Variants in SPATA20 observed in about 807,000 individuals in gnomAD.
The protein encoded by SPATA20 is spermatogenesis associated 20, also known as spermatogenesis-associated protein 20.
Under a neutral mutation model 98.9 loss-of-function variants are expected in SPATA20, and 74 were observed. That is an observed-to-expected ratio of 0.75 (90% CI 0.62 to 0.91). The LOEUF (loss-of-function observed/expected upper bound fraction) is 0.91, where lower values mean the gene tolerates loss of function less well. Ranked by LOEUF, SPATA20 falls within the 40% of genes least tolerant of loss-of-function variation. SPATA20 has a pLI of 0.00. For missense variants in SPATA20, 1,016 were observed against 1,069.8 expected (o/e 0.95, Z 0.70); for synonymous variants, 430 against 440.5 (o/e 0.98, Z 0.30).
In SPATA20 at chr17:50,551,988, T is replaced by A. The variant is rs779817465; in HGVS notation, c.1765T>A (p.Phe589Ile). The change falls in exon 14 of 17, where the codon TTC becomes ATC. Residue 589 changes from phenylalanine (F) to isoleucine (I), a missense_variant. Transcript: ENST00000006658. Reference protein sequence around the residue: ...VEHSNPPCWGFLEDYAFVVRG... With the variant: ...VEHSNPPCWGILEDYAFVVRG... ...CCCCAGCAACCCACCCTGCTGGGGCTTCCTGGAGGACTACGCCTTCGTGGT... is the reference window on the plus strand; with the variant it reads ...CCCCAGCAACCCACCCTGCTGGGGCATCCTGGAGGACTACGCCTTCGTGGT... The A allele has an allele frequency of 5.0e-6, 8 of 1,607,028 alleles. No homozygotes were observed. Among genetic ancestry groups the A allele is most frequent in the Non-Finnish European group, 6.8e-6 (8 of 1,176,696 alleles).
chr17:50,553,890 A>C (rs578080379), intron 14 of SPATA20, among the ~76,000 whole-genome samples: 2 of 152,252 alleles, frequency 1.3e-5, no homozygotes, highest in Non-Finnish European at 2.9e-5. Context: ...TCTTCTGGCC[A>C]CAGCCCTGGC....
At chr17:50,547,370 G>T in intron 1 of SPATA20, 85 bp downstream of exon 1, 1 of 1,205,780 alleles carries the variant, frequency 8.3e-7, no homozygotes, top group African/African-American at 1.5e-5. Flanking sequence ...CCGGTCCCCA[G>T]TGCCAGTCTG....
intron 6 of SPATA20, 34 bp from the exon 7 acceptor site, chr17:50,549,252 A>G: frequency 6.2e-7 from 1 of 1,602,688 alleles, no homozygotes. Context: ...CCCTCCCCCT[A>G]GCTGACCTCC....
chr17:50,552,591 T>C (rs1161408468), intron 14 of SPATA20, among the ~76,000 whole-genome samples: 1 of 140,278 alleles, frequency 7.1e-6, no homozygotes, highest in African/African-American at 2.6e-5. Flanking sequence ...TGAGACAGGG[T>C]CTCACTGTCA....
Position 50,547,258 on chromosome 17 carries a change from C to T in SPATA20, c.50C>T (p.Ala17Val), listed in dbSNP as rs1277022034. The change falls in exon 1 of 17, where the codon GCC becomes GTC. Residue 17 changes from alanine to valine, a missense_variant. Ala to Val is a moderately conservative substitution (Grantham distance 64). Coordinates refer to ENST00000006658, the MANE Select transcript of SPATA20 (RefSeq NM_022827.4). ...WLGRVLLLPR[A>V]GAGLAASRRC... ...GGCCGCGTCCTTCTGCTGCCCCGCGCCGGTGCAGGCCTCGCCGCGAGCCGC... is the reference window on the plus strand; with the variant it reads ...GGCCGCGTCCTTCTGCTGCCCCGCGTCGGTGCAGGCCTCGCCGCGAGCCGC... 1.5e-6 allele frequency: 2 copies of T among 1,375,714 alleles called. No homozygotes were observed. The highest frequency in any genetic ancestry group is 9.3e-7 in the Non-Finnish European group (1 of 1,073,288). The allele number at this position is 1,375,714 out of a possible 1,614,324, so 85.2% of individuals were successfully genotyped here. A position where few individuals can be genotyped will look rare whatever the true frequency, so the allele number is the denominator to read the frequency against.
chr17:50,547,685 C>G, intron 1 of SPATA20, 35 bp from the exon 2 acceptor site: 2 of 780,948 alleles, frequency 2.6e-6, no homozygotes, highest in Non-Finnish European at 4.8e-6. Context: ...AGTCCCACTT[C>G]CAGGCTGAAC....
Position 50,549,133 on chromosome 17 carries a change from G to A in SPATA20, c.607G>A (p.Asp203Asn), listed in dbSNP as rs2034965842. The change falls in exon 6 of 17, where the codon GAT becomes AAT. Residue 203 changes from aspartate (D) to asparagine (N), a missense_variant. By Grantham distance (23) the Asp-to-Asn change is conservative. Transcript: ENST00000006658. Reference protein sequence around the residue: ...FVGGTYFPPEDGLTRVGFRTV... With the variant: ...FVGGTYFPPENGLTRVGFRTV... ...CGGGGGCACCTATTTCCCTCCTGAG[G>A]ATGGCTTGACCCGAGTCGGCTTCCG... 1.2e-6 allele frequency: 2 copies of A among 1,611,874 alleles called. No homozygotes were observed. The highest frequency in any genetic ancestry group is 1.7e-6 in the Non-Finnish European group (2 of 1,178,964).
At chr17:50,554,479 C>T in intron 15 of SPATA20, 29 bp downstream of exon 15, 1 of 1,602,570 alleles carries the variant, frequency 6.2e-7, no homozygotes, top group Non-Finnish European at 8.5e-7. Context: ...TGGGCTGGGA[C>T]CTCGGGTAGG....
chr17:50,548,565 G>A lies in SPATA20; in HGVS notation c.308G>A (p.Gly103Glu), dbSNP rs1162602114. 9 of 1,613,728 alleles carry A rather than the reference G, an allele frequency of 5.6e-6. No individual in the cohort carries two copies. The highest frequency in any genetic ancestry group is 1.6e-4 in the Middle Eastern group (1 of 6,062). ...CCTGCTGGGTCTAGGTACCCCTGGGGACAGGAAGCCTTCGACAAGGCCAGG... is the reference window on the plus strand; with the variant it reads ...CCTGCTGGGTCTAGGTACCCCTGGGAACAGGAAGCCTTCGACAAGGCCAGG... ...AYNPVDWYPW[G>E]QEAFDKARKE... The change falls in exon 4 of 17, where the codon GGA becomes GAA. Residue 103 changes from glycine to glutamate, a missense_variant. Coordinates refer to ENST00000006658, the MANE Select transcript of SPATA20 (RefSeq NM_022827.4).
intron 10 of SPATA20, 44 bp from the exon 11 acceptor site, chr17:50,550,664 A>C (rs1473797163): frequency 6.2e-7 from 1 of 1,612,276 alleles, no homozygotes. Flanking sequence ...TGGGGCCTCC[A>C]CTGCCCTGTG....
At position 50,550,052 on chromosome 17, in the gene SPATA20, G is replaced by A; in HGVS notation, c.930G>A (p.Gln310=). 1 of 1,605,680 alleles carries A rather than the reference G, an allele frequency of 6.2e-7. No individual in the cohort carries two copies. Among genetic ancestry groups the A allele is most frequent in the Non-Finnish European group, 8.5e-7 (1 of 1,173,910 alleles). ...HRLTQDGSRA[Q]QMALHTLKMM... ...TGACTCAGGATGGCTCTCGGGCCCA[G>A]CAGATGGCCTTGCATACCCTGAAAA... Residue 310 remains glutamine, a synonymous_variant, in exon 8 of 17, where the codon CAG becomes CAA. Coordinates refer to ENST00000006658, the MANE Select transcript of SPATA20 (RefSeq NM_022827.4).
At chr17:50,549,872 AC>A in intron 7 of SPATA20, 112 bp from the exon 8 acceptor site, 1 of 1,207,742 alleles carries the variant, frequency 8.3e-7, no homozygotes, top group Non-Finnish European at 1.2e-6. Flanking sequence ...CTGTCCAGAG[AC>A]TGCCTGTTGA....
rs1023903453 is a variant in SPATA20, at chr17:50,549,415, T to C, written c.790T>C (p.Phe264Leu). Residue 264 changes from phenylalanine (F) to leucine (L), a missense_variant, in exon 7 of 17, where the codon TTC becomes CTC. Physicochemically the swap from Phe to Leu is conservative, Grantham distance 22. Coordinates refer to ENST00000006658, the MANE Select transcript of SPATA20 (RefSeq NM_022827.4). ...PSAATVNNRC[F>L]QQLDEGYDEE... ...TGCCGCCACCGTGAACAATCGCTGC[T>C]TCCAGCAGCTGGATGAGGGCTATGA... 4.3e-6 allele frequency: 7 copies of C among 1,612,638 alleles called. No homozygotes were observed. The African/African-American group carries it at 8.0e-5, about 18-fold the overall frequency.
At position 50,550,807 on chromosome 17, in the gene SPATA20, C is replaced by A; in HGVS notation, c.1273C>A (p.Gln425Lys). 1 of 1,613,068 alleles carries A rather than the reference C, an allele frequency of 6.2e-7. No homozygotes were observed. Among genetic ancestry groups the A allele is most frequent in the South Asian group, 1.1e-5 (1 of 91,090 alleles). The change falls in exon 11 of 17, where the codon CAG becomes AAG. Residue 425 changes from glutamine to lysine, a missense_variant. By Grantham distance (53) the Gln-to-Lys change is moderately conservative. Coordinates refer to ENST00000006658, the MANE Select transcript of SPATA20 (RefSeq NM_022827.4). The stretch of plus-strand genomic sequence containing the variant: ...CTATGTGTGGACGGTCAAAGAGGTT[C>A]AGCAGCTCCTCCCGGAGCCTGTGTT... ...AYYVWTVKEV[Q>K]QLLPEPVLGA...
chr17:50,552,847 C>G lies in SPATA20; in HGVS notation c.1957+667C>G, dbSNP rs1044567853. On this transcript the variant is annotated intron_variant, in intron 14 of 16. Transcript: ENST00000006658. The stretch of plus-strand genomic sequence containing the variant: ...GGGATTACAGGCGAGAGCCACCATG[C>G]CTGGCCTGTTTCTTAATAAGTAAAA... Among the ~76,000 whole-genome samples, 18 of 152,268 alleles carry G rather than the reference C, an allele frequency of 1.2e-4. No individual in the cohort carries two copies. In the East Asian group the frequency reaches 3.3e-3, roughly 28 times the overall value.
chr17:50,548,189 A>G (rs762214570), intron 2 of SPATA20, 94 bp from the exon 3 acceptor site: 5 of 1,525,620 alleles, frequency 3.3e-6, no homozygotes, highest in Non-Finnish European at 3.5e-6. Flanking sequence ...CAGGGGTCCT[A>G]CTGGGGTGCT....
intron 1 of SPATA20, 33 bp downstream of exon 1, chr17:50,547,318 CCCTGCGCCTG>C: frequency 2.1e-6 from 3 of 1,408,264 alleles, no homozygotes; most frequent in Non-Finnish European, 2.8e-6. Context: ...CTAGGGCACT[CCCTGCGCCTG>C]CCTGCGGGCC....
At position 50,554,241 on chromosome 17, in the gene SPATA20, T is replaced by C. The variant is rs768918211; in HGVS notation, c.1958-10T>C. ...CTTACCCCCACCCCCTGCCTCCCTA[T>C]GTGCTGTAGACCAGGATGGAGCAGA... On this transcript the variant is annotated splice_polypyrimidine_tract_variant and intron_variant, in intron 14 of 16. Coordinates refer to ENST00000006658, the MANE Select transcript of SPATA20 (RefSeq NM_022827.4). 5 of 1,613,712 alleles carry C rather than the reference T, an allele frequency of 3.1e-6. No homozygotes were observed. The Admixed American group carries it at 5.0e-5, about 16-fold the overall frequency.
In SPATA20 at chr17:50,554,255, G is replaced by A; in HGVS notation, c.1962G>A (p.Gln654=). 1 of 1,614,042 alleles carries A rather than the reference G, an allele frequency of 6.2e-7. No homozygotes were observed. Among genetic ancestry groups the A allele is most frequent in the Non-Finnish European group, 8.5e-7 (1 of 1,180,014 alleles). The change falls in exon 15 of 17, where the codon CAG becomes CAA. Residue 654 remains glutamine (Q), a synonymous_variant. Transcript: ENST00000006658. ...AGLPLRLKDD[Q]DGAEPSANSV... is the part of the protein sequence containing the mutation. ...CTGCCTCCCTATGTGCTGTAGACCA[G>A]GATGGAGCAGAGCCCAGCGCCAATT...
Sources: allele counts gnomAD v4.1 joint callset (sites outside exome capture counted in the v4.1 genomes callset), GRCh38; gene constraint gnomAD v4.1.1; transcripts MANE v1.5; gene names NCBI Gene and HGNC (gene_info 2026-07-23, HGNC 2026-07-21).